Variants in DNAJC7 observed in about 807,000 individuals in gnomAD.
DNAJC7 encodes the protein DnaJ heat shock protein family (Hsp40) member C7.
DNAJC7 carries 18 observed loss-of-function variants against 67.4 expected under a neutral mutation model. That is an observed-to-expected ratio of 0.27 (90% CI 0.18 to 0.40). DNAJC7 has a LOEUF of 0.40. Ranked by LOEUF, DNAJC7 falls within the 10% of genes least tolerant of loss-of-function variation. The probability of loss-of-function intolerance (pLI) is 1.00; values close to 1 mark genes in which losing one functional copy is unlikely to be tolerated. For missense variants in DNAJC7, 419 were observed against 613.8 expected (o/e 0.68, Z 3.35); for synonymous variants, 220 against 207.8 (o/e 1.06, Z -0.50).
intron 12 of DNAJC7, 144 bp downstream of exon 12, chr17:41,981,711 G>A: frequency 8.7e-7 from 1 of 1,152,044 alleles, no homozygotes; most frequent in Non-Finnish European, 1.2e-6. Flanking sequence ...ACATTTGACT[G>A]CATTTGTTTG....
At chr17:41,977,090 G>A (rs2051104303) in intron 13 of DNAJC7, 171 bp downstream of exon 13, 2 of 734,936 alleles carry the variant, frequency 2.7e-6, no homozygotes, top group Non-Finnish European at 2.2e-6. Flanking sequence ...GGGTGCCTGG[G>A]AACCTTCCTG....
chr17:41,992,323 C>T (rs149468946), intron 5 of DNAJC7, among the ~76,000 whole-genome samples: 8 of 152,224 alleles, frequency 5.3e-5, no homozygotes, highest in South Asian at 4.2e-4. Context: ...CAGACATGCG[C>T]CACCAGGCCT....
chr17:41,979,926 A>G (rs2051203561), intron 12 of DNAJC7, among the ~76,000 whole-genome samples: 1 of 151,734 alleles, frequency 6.6e-6, no homozygotes, highest in Non-Finnish European at 1.5e-5. Context: ...GTGCCACTGC[A>G]CTCCAGCCTG....
chr17:41,998,627 T>G (rs576380441), intron 2 of DNAJC7, among the ~76,000 whole-genome samples: 16 of 152,330 alleles, frequency 1.1e-4, no homozygotes, highest in South Asian at 4.1e-4. Flanking sequence ...TGAACTGTTT[T>G]GTATAATGAG....
In DNAJC7 at chr17:41,982,310, G is replaced by A; in HGVS notation, c.1176C>T (p.Ala392=). The change falls in exon 11 of 14, where the codon GCC becomes GCT. Residue 392 remains alanine, a synonymous_variant. Coordinates refer to ENST00000457167, the MANE Select transcript of DNAJC7 (RefSeq NM_003315.4). ...AAGCTTTCTTGATCTCGTCCTCAGA[G>A]GCATTCTTGTCCACTCCTAGAATCT... ...YYKILGVDKN[A]SEDEIKKAYR... 3 of 1,613,954 alleles carry A rather than the reference G, an allele frequency of 1.9e-6. No homozygotes were observed. Among genetic ancestry groups the A allele is most frequent in the Non-Finnish European group, 2.5e-6 (3 of 1,179,892 alleles).
rs2051300366 is a variant in DNAJC7 at position 41,983,410 on chromosome 17, C to G, written c.1084+153G>C. On this transcript the variant is annotated intron_variant, in intron 10 of 13. Transcript: ENST00000457167. ...AAGTGCTGGGGATTACAGGCGTGAGCCACCACGCCCAGCCTTTGTTCACTT... is the reference window on the plus strand; with the variant it reads ...AAGTGCTGGGGATTACAGGCGTGAGGCACCACGCCCAGCCTTTGTTCACTT... Among the ~76,000 whole-genome samples the G allele has an allele frequency of 3.9e-5, 6 of 152,212 alleles. No individual in the cohort carries two copies. In the South Asian group the frequency reaches 8.3e-4, roughly 21 times the overall value.
chr17:41,988,828 T>C lies in DNAJC7; in HGVS notation c.822A>G (p.Leu274=). ...GGGCTTCTGTGTACAGTTCATATGC[T>C]AGTTTGTAATTTCCTTCCTTAAATG... ...NKAFKEGNYK[L]AYELYTEALG... is the part of the protein sequence containing the mutation. Residue 274 remains leucine (L), a synonymous_variant, in exon 8 of 14, where the codon CTA becomes CTG. Transcript: ENST00000457167. 1 of 1,613,942 alleles carries C rather than the reference T, an allele frequency of 6.2e-7. No homozygotes were observed. Among genetic ancestry groups the C allele is most frequent in the Non-Finnish European group, 8.5e-7 (1 of 1,179,858 alleles).
intron 5 of DNAJC7, among the ~76,000 whole-genome samples, chr17:41,994,559 T>G (rs992766431): frequency 1.4e-5 from 2 of 141,790 alleles, no homozygotes; most frequent in African/African-American, 2.6e-5. Flanking sequence ...TATCCAAACC[T>G]AATATTTAAT....
intron 9 of DNAJC7, among the ~76,000 whole-genome samples, chr17:41,986,834 G>A (rs2051395768): frequency 6.6e-6 from 1 of 152,126 alleles, no homozygotes; most frequent in Admixed American, 6.6e-5. Context: ...AGATAATTTT[G>A]AGAAAACTAA....
At chr17:42,005,948 ATTTTT>A (rs1177333281) in intron 1 of DNAJC7, among the ~76,000 whole-genome samples, 1 of 130,916 alleles carries the variant, frequency 7.6e-6, no homozygotes. Flanking sequence ...TATTTATTTA[ATTTTT>A]TTTATTTTTT....
chr17:42,016,780 C>A (rs781850926), intron 1 of DNAJC7: 1 of 225,112 alleles, frequency 4.4e-6, no homozygotes, highest in Non-Finnish European at 8.3e-6. Context: ...ATAAGCCCCT[C>A]GCTCTTCCTT....
intron 1 of DNAJC7, among the ~76,000 whole-genome samples, chr17:42,009,122 G>C (rs782222034): frequency 3.3e-5 from 5 of 152,324 alleles, no homozygotes; most frequent in Middle Eastern, 3.4e-3. Flanking sequence ...TTTTAGCAAA[G>C]CTATCTGCTA....
At chr17:41,996,183 T>G (rs187593274) in intron 4 of DNAJC7, 128 bp downstream of exon 4, 6 of 803,464 alleles carry the variant, frequency 7.5e-6, no homozygotes, top group Admixed American at 5.4e-5. Flanking sequence ...GCTATGAAAC[T>G]CGCCTAAAGT....
intron 1 of DNAJC7, 90 bp from the exon 2 acceptor site, chr17:42,000,660 C>A: frequency 1.1e-6 from 1 of 944,548 alleles, no homozygotes; most frequent in South Asian, 1.6e-5. Flanking sequence ...CTAGAGCCCG[C>A]AGCACACTGA....
chr17:42,005,964 G>A lies in DNAJC7; in HGVS notation c.78-5394C>T, dbSNP rs138475796. Among the ~76,000 whole-genome samples the A allele has an allele frequency of 2.9e-3, 427 of 149,748 alleles. 3 individuals carry two copies. Among genetic ancestry groups the A allele is most frequent in the Non-Finnish European group, 4.7e-3 (316 of 67,542 alleles). ...ATTTATTTAATTTTTTTTATTTTTT[G>A]AGACACAGTCTGACTGTCACCCAGG... On this transcript the variant is annotated intron_variant, in intron 1 of 13. Transcript: ENST00000457167.
chr17:41,993,779 G>A (rs782193623), intron 5 of DNAJC7, among the ~76,000 whole-genome samples: 2 of 151,996 alleles, frequency 1.3e-5, no homozygotes, highest in Non-Finnish European at 2.9e-5. Flanking sequence ...GCTCACGCCT[G>A]TAATCCCAGC....
chr17:41,997,009 T>A, intron 3 of DNAJC7, 106 bp downstream of exon 3: 1 of 1,547,446 alleles, frequency 6.5e-7, no homozygotes, highest in Non-Finnish European at 8.8e-7. Context: ...CAACAAAGAA[T>A]AATCTGGTCC....
chr17:42,016,211 T>A (rs1555651876), intron 1 of DNAJC7: 7 of 152,198 alleles, frequency 4.6e-5, no homozygotes, highest in Non-Finnish European at 7.3e-5. Flanking sequence ...TCAAGCTTGA[T>A]AACTATTCAT....
intron 1 of DNAJC7, among the ~76,000 whole-genome samples, chr17:42,009,873 A>G (rs1206878307): frequency 6.6e-6 from 1 of 152,214 alleles, no homozygotes; most frequent in Non-Finnish European, 1.5e-5. Flanking sequence ...GCCCTGGCGC[A>G]GTGGCTCACG....
Sources: allele counts gnomAD v4.1 joint callset (sites outside exome capture counted in the v4.1 genomes callset), GRCh38; gene constraint gnomAD v4.1.1; transcripts MANE v1.5; gene names NCBI Gene and HGNC (gene_info 2026-07-23, HGNC 2026-07-21).